The following XKR9 variants were observed in gnomAD, a reference collection of about 807,000 sequenced individuals.
The protein encoded by XKR9 is XK related 9.
In XKR9, 32 loss-of-function variants were observed where a neutral mutation model predicts 32.0. The observed-to-expected ratio is 1.00, with a 90% CI of 0.76 to 1.34. XKR9 has a LOEUF of 1.34. XKR9 is among the 40% of genes most tolerant of loss of function. The pLI, the probability that XKR9 is intolerant of heterozygous loss-of-function variation, is 0.00. For synonymous variants in XKR9, 168 were observed against 143.4 expected, an observed-to-expected ratio of 1.17 and a Z score of -1.22; for missense variants, 546 against 429.7, an observed-to-expected ratio of 1.27 and a Z score of -2.39.
At chr8:70,902,034 C>T in the XKR9 span, among the ~76,000 whole-genome samples, 1 of 152,040 alleles carries the variant, frequency 6.6e-6, no homozygotes, top group African/African-American at 2.4e-5. Context: ...GTTTTGGTAC[C>T]ATGCTGTTTT....
At chr8:70,737,696 CA>C (rs1806890943), downstream of XKR9, among the ~76,000 whole-genome samples, 1 of 119,986 alleles carries the variant, frequency 8.3e-6, no homozygotes. Context: ...TGAATTTTGT[CA>C]AAGGCCTTTT....
the XKR9 span, among the ~76,000 whole-genome samples, chr8:71,031,333 G>A: frequency 7.9e-5 from 12 of 152,170 alleles, no homozygotes; most frequent in Non-Finnish European, 1.5e-4. Context: ...TAAATATTAT[G>A]TGTATGCATA....
the XKR9 span, among the ~76,000 whole-genome samples, chr8:71,036,494 C>T: frequency 1.3e-5 from 2 of 151,960 alleles, no homozygotes; most frequent in Non-Finnish European, 1.5e-5. Context: ...GGAAAGTCAG[C>T]ATAATAGAAC....
the XKR9 span, among the ~76,000 whole-genome samples, chr8:70,981,291 A>G: frequency 1.3e-4 from 20 of 152,210 alleles, 1 homozygote. Context: ...TTAGGTTTGG[A>G]TGTGTAACAT....
At chr8:70,830,599 A>G in the XKR9 span, among the ~76,000 whole-genome samples, 5 of 152,264 alleles carry the variant, frequency 3.3e-5, no homozygotes, top group African/African-American at 1.2e-4. Flanking sequence ...GGGGAAAAAC[A>G]TTAGTCACTT....
intron 2 of XKR9, among the ~76,000 whole-genome samples, chr8:70,679,719 A>T (rs922501635): frequency 9.2e-5 from 14 of 152,200 alleles, no homozygotes; most frequent in Non-Finnish European, 2.9e-5. Flanking sequence ...AAAAACCACC[A>T]CTGAGTCAGA....
At chr8:71,062,639 G>C in the XKR9 span, among the ~76,000 whole-genome samples, 1 of 152,134 alleles carries the variant, frequency 6.6e-6, no homozygotes, top group Non-Finnish European at 1.5e-5. Flanking sequence ...GGTTTTCCAA[G>C]CTTTCCCACA....
chr8:71,053,431 A>G, the XKR9 span, among the ~76,000 whole-genome samples: 1 of 152,244 alleles, frequency 6.6e-6, no homozygotes, highest in Non-Finnish European at 1.5e-5. Context: ...CAGATAAAAA[A>G]GAATTGTGGT....
chr8:70,761,877 T>C (rs765792041), intron 2 of XKR9, among the ~76,000 whole-genome samples: 31 of 149,192 alleles, frequency 2.1e-4, no homozygotes, highest in Non-Finnish European at 7.5e-5. Flanking sequence ...TTGTATATGG[T>C]GTCAGGAAGG....
In XKR9 at chr8:70,720,188, C is replaced by T. The variant is rs963786351; in HGVS notation, c.493+13035C>T. On this transcript the variant is annotated intron_variant, in intron 4 of 4. Coordinates refer to ENST00000408926, the MANE Select transcript of XKR9 (RefSeq NM_001011720.2). Reference sequence around the variant, plus strand: ...TTGCTGAAGTTGCTTATCAGCTTAACGAGTTTTTGGGCTGAGACAAGGGGT... The same window carrying T: ...TTGCTGAAGTTGCTTATCAGCTTAATGAGTTTTTGGGCTGAGACAAGGGGT... Among the ~76,000 whole-genome samples the T allele has an allele frequency of 5.9e-5, 9 of 152,082 alleles. No individual in the cohort carries two copies. The East Asian group carries it at 1.4e-3, about 23-fold the overall frequency.
intron 3 of XKR9, among the ~76,000 whole-genome samples, chr8:70,697,920 T>A (rs969670084): frequency 3.9e-5 from 6 of 151,960 alleles, no homozygotes; most frequent in African/African-American, 1.2e-4. Context: ...TGGGAGGGTG[T>A]ATGTGTCGAG....
At chr8:71,032,760 T>C in the XKR9 span, among the ~76,000 whole-genome samples, 2 of 152,132 alleles carry the variant, frequency 1.3e-5, no homozygotes, top group Admixed American at 1.3e-4. Context: ...AAGAACAACC[T>C]CAAGGAAACA....
chr8:70,792,864 T>G (rs1563482439), downstream of XKR9, among the ~76,000 whole-genome samples: 1 of 152,138 alleles, frequency 6.6e-6, no homozygotes, highest in Non-Finnish European at 1.5e-5. Flanking sequence ...AAGAAAGCTA[T>G]CTATGTACCA....
chr8:70,810,430 A>G, the XKR9 span, among the ~76,000 whole-genome samples: 5 of 152,228 alleles, frequency 3.3e-5, no homozygotes, highest in Non-Finnish European at 5.9e-5. Flanking sequence ...TACCAAATAC[A>G]CACATAACAA....
At chr8:70,755,766 G>A (rs1371657105) in intron 2 of XKR9, among the ~76,000 whole-genome samples, 1 of 145,812 alleles carries the variant, frequency 6.9e-6, no homozygotes, top group Non-Finnish European at 1.5e-5. Context: ...TTGTGGGGTG[G>A]GGGGAGGGGG....
chr8:70,709,244 C>T (rs1336649832), intron 4 of XKR9, among the ~76,000 whole-genome samples: 1 of 152,198 alleles, frequency 6.6e-6, no homozygotes, highest in East Asian at 1.9e-4. Context: ...ATTCAACATC[C>T]CTTTATGTTA....
the XKR9 span, among the ~76,000 whole-genome samples, chr8:70,879,103 C>T: frequency 1.3e-5 from 2 of 152,094 alleles, no homozygotes; most frequent in Non-Finnish European, 2.9e-5. Context: ...CTCTTTGAAA[C>T]CAATGAGAAC....
the XKR9 span, among the ~76,000 whole-genome samples, chr8:71,036,152 T>C: frequency 1.4e-3 from 217 of 152,348 alleles, 1 homozygote; most frequent in African/African-American, 5.0e-3. Flanking sequence ...TATGTTTTTC[T>C]CCTATTAATC....
the XKR9 span, among the ~76,000 whole-genome samples, chr8:71,030,858 A>G: frequency 6.6e-6 from 1 of 152,114 alleles, no homozygotes; most frequent in Non-Finnish European, 1.5e-5. Context: ...AGAAATCTTG[A>G]CCCTCTTTGG....
Sources: allele counts gnomAD v4.1 joint callset (sites outside exome capture counted in the v4.1 genomes callset), GRCh38; gene constraint gnomAD v4.1.1; transcripts MANE v1.5; gene names NCBI Gene and HGNC (gene_info 2026-07-23, HGNC 2026-07-21).